Variants in ALLC observed in about 807,000 individuals in gnomAD.
The protein encoded by ALLC is allantoicase.
In ALLC, 40 loss-of-function variants were observed where a neutral mutation model predicts 45.0. That is an observed-to-expected ratio of 0.89 (90% CI 0.69 to 1.16). The LOEUF is 1.16. Ranked by LOEUF, ALLC falls within the 50% of genes most tolerant of loss-of-function variation. The pLI, the probability that ALLC is intolerant of heterozygous loss-of-function variation, is 0.00. For missense variants in ALLC, 488 were observed against 493.1 expected (o/e 0.99, Z 0.10); for synonymous variants, 176 against 178.1 (o/e 0.99, Z 0.09).
chr2:3,665,583 G>A (rs1218018162), intron 1 of ALLC, among the ~76,000 whole-genome samples: 1 of 152,138 alleles, frequency 6.6e-6, no homozygotes, highest in Non-Finnish European at 1.5e-5. Flanking sequence ...CTCTTCCTGC[G>A]TTAGTTTGCT....
At chr2:3,647,262 A>G in the ALLC span, among the ~76,000 whole-genome samples, 1 of 152,064 alleles carries the variant, frequency 6.6e-6, no homozygotes, top group African/African-American at 2.4e-5. Flanking sequence ...ACTTTGCTCT[A>G]GTTGAGGGTC....
At chr2:3,696,906 G>A (rs531311096) in intron 9 of ALLC, among the ~76,000 whole-genome samples, 265 of 152,312 alleles carry the variant, frequency 1.7e-3, no homozygotes, top group Admixed American at 4.3e-3. Flanking sequence ...TAGATTTCAT[G>A]TCACCTGATG....
At chr2:3,688,545 A>G (rs1194531453) in intron 7 of ALLC, 1 of 195,082 alleles carries the variant, frequency 5.1e-6, no homozygotes, top group Non-Finnish European at 1.1e-5. Context: ...AGGCACTACT[A>G]AGGATCTTGA....
At chr2:3,664,906 A>AC (rs569681466) in intron 1 of ALLC, among the ~76,000 whole-genome samples, 160 of 145,250 alleles carry the variant, frequency 1.1e-3, no homozygotes, top group African/African-American at 2.0e-3. Flanking sequence ...CAAAACCAAA[A>AC]CCCCCCCCCA....
At chr2:3,675,634 T>C (rs1291767663) in intron 3 of ALLC, among the ~76,000 whole-genome samples, 1 of 151,660 alleles carries the variant, frequency 6.6e-6, no homozygotes, top group East Asian at 1.9e-4. Context: ...ACACACTACA[T>C]ATGTGTATAT....
chr2:3,672,451 C>G (rs1572511737), intron 2 of ALLC, among the ~76,000 whole-genome samples: 2 of 136,778 alleles, frequency 1.5e-5, no homozygotes, highest in Admixed American at 1.4e-4. Context: ...TCCTCTGGCT[C>G]TGGTTAGATC....
At chr2:3,672,256 A>T (rs1666900008) in intron 2 of ALLC, among the ~76,000 whole-genome samples, 2 of 112,792 alleles carry the variant, frequency 1.8e-5, no homozygotes, top group Non-Finnish European at 3.8e-5. Flanking sequence ...GTTAGATGGG[A>T]GGTCCTCTGG....
In ALLC at chr2:3,674,069, G is replaced by T; in HGVS notation, c.34-6G>T. The T allele has an allele frequency of 6.5e-7, 1 of 1,540,898 alleles. No individual in the cohort carries two copies. Among genetic ancestry groups the T allele is most frequent in the East Asian group, 2.4e-5 (1 of 42,402 alleles). On this transcript the variant is annotated splice_region_variant and splice_polypyrimidine_tract_variant and intron_variant, in intron 2 of 11. Transcript: ENST00000252505. ...TTTATCTTTCTTTCTTTCTTTCTTTGTCTAGATTTTATTTGCAACAGATGA... is the reference window on the plus strand; with the variant it reads ...TTTATCTTTCTTTCTTTCTTTCTTTTTCTAGATTTTATTTGCAACAGATGA...
chr2:3,662,266 G>A (rs998539289), intron 1 of ALLC, among the ~76,000 whole-genome samples: 4 of 152,192 alleles, frequency 2.6e-5, no homozygotes, highest in African/African-American at 9.7e-5. Context: ...CGTTATGTCT[G>A]CAAATTCTGC....
chr2:3,661,147 C>A (rs1056869458), intron 1 of ALLC, among the ~76,000 whole-genome samples: 1 of 152,104 alleles, frequency 6.6e-6, no homozygotes, highest in Non-Finnish European at 1.5e-5. Context: ...GCCTCCGTCC[C>A]GTCTCTGAGT....
At chr2:3,674,286 T>A (rs1305404320) in intron 3 of ALLC, among the ~76,000 whole-genome samples, 161 bp downstream of exon 3, 1 of 152,202 alleles carries the variant, frequency 6.6e-6, no homozygotes, top group Non-Finnish European at 1.5e-5. Flanking sequence ...CAGCATGAAC[T>A]CATGCCAAAA....
rs1338701221 is a variant in ALLC at position 3,674,122 on chromosome 2, A to G, written c.81A>G (p.Ile27Met). 1.3e-6 allele frequency: 2 copies of G among 1,560,544 alleles called. No individual in the cohort carries two copies. The highest frequency in any genetic ancestry group is 2.7e-5 in the African/African-American group (2 of 73,954). ...DDFFAPAENL[I>M]KSDSPCFKEH... Reference sequence around the variant, plus strand: ...TTTTTGCTCCTGCAGAAAACCTCATAAAGGTATTGTAAATTGACATTCTGC... The same window carrying G: ...TTTTTGCTCCTGCAGAAAACCTCATGAAGGTATTGTAAATTGACATTCTGC... The change falls in exon 3 of 12, where the codon ATA becomes ATG. Residue 27 changes from isoleucine to methionine, a missense_variant. Coordinates refer to ENST00000252505, the MANE Select transcript of ALLC (RefSeq NM_018436.4).
chr2:3,696,463 T>C, intron 9 of ALLC, 115 bp downstream of exon 9: 1 of 748,086 alleles, frequency 1.3e-6, no homozygotes, highest in Admixed American at 3.1e-5. Flanking sequence ...TTGTTCTAAA[T>C]GCTAATTACT....
At chr2:3,679,820 C>T (rs774189445) in intron 4 of ALLC, 49 bp from the exon 5 acceptor site, 1 of 1,607,702 alleles carries the variant, frequency 6.2e-7, no homozygotes, top group Non-Finnish European at 8.5e-7. Flanking sequence ...CATGCAGCAT[C>T]TGCTGTGTTG....
chr2:3,691,358 A>G (rs983780087), intron 7 of ALLC, among the ~76,000 whole-genome samples: 2 of 139,266 alleles, frequency 1.4e-5, no homozygotes, highest in Non-Finnish European at 3.4e-5. Flanking sequence ...GGCTCAGATG[A>G]TTCTCCCACA....
At chr2:3,676,936 C>T (rs530303481) in intron 3 of ALLC, among the ~76,000 whole-genome samples, 87 of 152,078 alleles carry the variant, frequency 5.7e-4, no homozygotes, top group African/African-American at 1.7e-3. Context: ...TACAGGCACC[C>T]GCCACCACGC....
intron 1 of ALLC, among the ~76,000 whole-genome samples, chr2:3,665,780 G>A (rs897110836): frequency 6.6e-6 from 1 of 152,192 alleles, no homozygotes; most frequent in Non-Finnish European, 1.5e-5. Flanking sequence ...ACATATGCGT[G>A]CATGTATCTT....
intron 1 of ALLC, among the ~76,000 whole-genome samples, chr2:3,662,331 G>A (rs1666596232): frequency 6.6e-6 from 1 of 152,168 alleles, no homozygotes; most frequent in African/African-American, 2.4e-5. Context: ...CATGCATTCT[G>A]GAGCACACCC....
At chr2:3,651,442 T>TGTGGGTG in the ALLC span, among the ~76,000 whole-genome samples, 1 of 25,602 alleles carries the variant, frequency 3.9e-5, no homozygotes, top group Non-Finnish European at 1.0e-4. Context: ...TGTGTGTGTG[T>TGTGGGTG]TAGGAAGGGA....
Sources: allele counts gnomAD v4.1 joint callset (sites outside exome capture counted in the v4.1 genomes callset), GRCh38; gene constraint gnomAD v4.1.1; transcripts MANE v1.5; gene names NCBI Gene and HGNC (gene_info 2026-07-23, HGNC 2026-07-21).